Variants in RBFOX1 observed in about 807,000 individuals in gnomAD.
RBFOX1 encodes the protein RNA binding fox-1 homolog 1, also known as RNA binding protein fox-1 homolog 1.
RBFOX1 carries 8 observed loss-of-function variants against 57.7 expected under a neutral mutation model. The observed-to-expected ratio is 0.14, with a 90% confidence interval of 0.08 to 0.25. The LOEUF is 0.25. Ranked by LOEUF, RBFOX1 falls within the 10% of genes least tolerant of loss-of-function variation. RBFOX1 has a pLI of 1.00. For synonymous variants in RBFOX1, 326 were observed against 222.4 expected (o/e 1.47, Z -4.15); for missense variants, 611 against 548.5 (o/e 1.11, Z -1.14).
intron 4 of RBFOX1, among the ~76,000 whole-genome samples, chr16:7,396,037 G>T (rs773107128): frequency 1.2e-4 from 18 of 152,106 alleles, no homozygotes; most frequent in Non-Finnish European, 2.6e-4. Flanking sequence ...GGCTCTTTCT[G>T]GGACACTGAA....
chr16:6,956,494 T>C (rs982515877), intron 3 of RBFOX1, among the ~76,000 whole-genome samples: 5 of 152,078 alleles, frequency 3.3e-5, no homozygotes, highest in African/African-American at 1.2e-4. Context: ...TATTGAAGAT[T>C]TTAATTTCAG....
chr16:7,532,972 A>C (rs997218717), intron 5 of RBFOX1, among the ~76,000 whole-genome samples: 1 of 152,256 alleles, frequency 6.6e-6, no homozygotes, highest in African/African-American at 2.4e-5. Context: ...AATTGCCTGC[A>C]TTGTAAAATG....
intron 5 of RBFOX1, among the ~76,000 whole-genome samples, chr16:7,545,855 T>A (rs572494520): frequency 3.0e-4 from 45 of 152,172 alleles, no homozygotes; most frequent in Middle Eastern, 3.4e-3. Flanking sequence ...AGCCTCTGTC[T>A]CTGCATCGGG....
intron 3 of RBFOX1, among the ~76,000 whole-genome samples, chr16:6,671,849 A>T (rs894799226): frequency 6.6e-6 from 1 of 152,234 alleles, no homozygotes. Context: ...CCCAGTAATT[A>T]TAAGAGTTCA....
chr16:6,147,900 T>C (rs1042782213), intron 1 of RBFOX1, among the ~76,000 whole-genome samples: 6 of 152,234 alleles, frequency 3.9e-5, no homozygotes, highest in Non-Finnish European at 7.3e-5. Flanking sequence ...CTTCTAGTCA[T>C]CTCCATTGCT....
chr16:6,697,495 C>T (rs1379666024), intron 3 of RBFOX1, among the ~76,000 whole-genome samples: 1 of 152,192 alleles, frequency 6.6e-6, no homozygotes, highest in African/African-American at 2.4e-5. Flanking sequence ...AAATGATGTA[C>T]AGAATCTAAT....
chr16:7,641,401 C>T (rs1055037393), intron 11 of RBFOX1, among the ~76,000 whole-genome samples: 1 of 152,180 alleles, frequency 6.6e-6, no homozygotes, highest in African/African-American at 2.4e-5. Flanking sequence ...TATAAAAGAA[C>T]TGTCATGCCA....
At chr16:6,985,773 GCAATGAGCTTAGTTGGTGCTACTGCAC>G (rs1232782338) in intron 3 of RBFOX1, among the ~76,000 whole-genome samples, 1 of 142,570 alleles carries the variant, frequency 7.0e-6, no homozygotes, top group East Asian at 2.1e-4. Context: ...GGCAGAGGTT[GCAATGAGCTTAGTTGGTGCTACTGCAC>G]TCCGGCCTGG....
chr16:7,189,383 G>A (rs927052731), intron 4 of RBFOX1, among the ~76,000 whole-genome samples: 51 of 130,370 alleles, frequency 3.9e-4, no homozygotes, highest in African/African-American at 1.3e-3. Context: ...CTGAGATCGC[G>A]CCACTGCACT....
intron 3 of RBFOX1, among the ~76,000 whole-genome samples, chr16:6,929,549 T>C (rs978746051): frequency 6.6e-6 from 1 of 152,120 alleles, no homozygotes; most frequent in Non-Finnish European, 1.5e-5. Context: ...CAGTTATGAC[T>C]GTAGCTGTGA....
chr16:6,883,944 A>G (rs762283080), intron 3 of RBFOX1, among the ~76,000 whole-genome samples: 1 of 152,132 alleles, frequency 6.6e-6, no homozygotes, highest in Admixed American at 6.5e-5. Flanking sequence ...TGACGTTGCT[A>G]CTTGCCACGG....
chr16:6,684,994 A>G (rs1313509068), intron 3 of RBFOX1, among the ~76,000 whole-genome samples: 1 of 152,164 alleles, frequency 6.6e-6, no homozygotes, highest in African/African-American at 2.4e-5. Context: ...ATTTTACAAA[A>G]TGGGAAAATG....
At chr16:7,669,437 G>A (rs891221883) in intron 13 of RBFOX1, among the ~76,000 whole-genome samples, 1 of 152,192 alleles carries the variant, frequency 6.6e-6, no homozygotes, top group African/African-American at 2.4e-5. Context: ...ACATAGTGAG[G>A]TGTGACAATG....
intron 2 of RBFOX1, among the ~76,000 whole-genome samples, chr16:6,523,935 C>A (rs987710623): frequency 6.6e-6 from 1 of 152,162 alleles, no homozygotes; most frequent in African/African-American, 2.4e-5. Flanking sequence ...TACAGGGATA[C>A]AATGTGTAAT....
intron 4 of RBFOX1, among the ~76,000 whole-genome samples, chr16:5,891,704 C>G (rs1213690871): frequency 6.6e-6 from 1 of 152,096 alleles, no homozygotes; most frequent in Non-Finnish European, 1.5e-5. Context: ...AAGGGATCCA[C>G]CTGGGGAGAA....
chr16:5,762,287 C>T (rs957094723), intron 3 of RBFOX1, among the ~76,000 whole-genome samples: 1 of 144,180 alleles, frequency 6.9e-6, no homozygotes, highest in Non-Finnish European at 1.5e-5. Context: ...TGGGTAGCAA[C>T]AAAGGATTTA....
intron 7 of RBFOX1, among the ~76,000 whole-genome samples, chr16:7,594,925 T>C (rs945828889): frequency 6.6e-6 from 1 of 152,238 alleles, no homozygotes; most frequent in Non-Finnish European, 1.5e-5. Flanking sequence ...CATGTGACTT[T>C]TTTGTTTATT....
chr16:7,708,967 C>T, intron 14 of RBFOX1, 89 bp from the exon 15 acceptor site: 2 of 1,228,016 alleles, frequency 1.6e-6, no homozygotes, highest in South Asian at 2.5e-5. Flanking sequence ...AGGGCCCCTG[C>T]ATACTGTCTT....
intron 3 of RBFOX1, among the ~76,000 whole-genome samples, chr16:6,984,970 A>G (rs1466830961): frequency 4.6e-5 from 7 of 152,168 alleles, no homozygotes; most frequent in Admixed American, 3.9e-4. Flanking sequence ...TACTGTAAGG[A>G]AAGTGAAAAA....
Sources: allele counts gnomAD v4.1 joint callset (sites outside exome capture counted in the v4.1 genomes callset), GRCh38; gene constraint gnomAD v4.1.1; transcripts MANE v1.5; gene names NCBI Gene and HGNC (gene_info 2026-07-23, HGNC 2026-07-21).